Variants in AGBL3 observed in about 807,000 individuals in gnomAD.
The protein encoded by AGBL3 is AGBL carboxypeptidase 3.
AGBL3 carries 68 observed loss-of-function variants against 94.5 expected under a neutral mutation model. That is an observed-to-expected ratio of 0.72 (90% CI 0.59 to 0.88). The LOEUF is 0.88. Among genes scored for constraint, AGBL3 ranks in the 40% least tolerant of loss-of-function variants. The pLI, the probability that AGBL3 is intolerant of heterozygous loss-of-function variation, is 0.00. For synonymous variants in AGBL3, 354 were observed against 370.7 expected (o/e 0.95, Z 0.52); for missense variants, 934 against 1,103.8 (o/e 0.85, Z 2.18).
chr7:135,051,017 C>A, intron 11 of AGBL3: 1 of 439,648 alleles, frequency 2.3e-6, no homozygotes, highest in Non-Finnish European at 4.5e-6. Context: ...TGTCACTACC[C>A]ACAGAGAACT....
intron 11 of AGBL3, among the ~76,000 whole-genome samples, chr7:135,052,051 A>G (rs1817923103): frequency 6.6e-6 from 1 of 152,146 alleles, no homozygotes; most frequent in African/African-American, 2.4e-5. Context: ...CATCAAAACC[A>G]TATAACAGGG....
chr7:135,100,455 T>C (rs1225699480), intron 15 of AGBL3, among the ~76,000 whole-genome samples: 4 of 152,206 alleles, frequency 2.6e-5, no homozygotes, highest in African/African-American at 9.6e-5. Flanking sequence ...AACAACTGTC[T>C]GGATGGTGGA....
In AGBL3 at chr7:135,135,287, T is replaced by C; in HGVS notation, c.*26T>C. ...TCTAGCTTTATACTGCTCTGAGAAC[T>C]GTGAATGAAGGATAACATATGCTTA... On this transcript the variant is annotated 3_prime_UTR_variant, in exon 17 of 17. Coordinates refer to ENST00000436302, the MANE Select transcript of AGBL3 (RefSeq NM_178563.4). 1 of 1,454,170 alleles carries C rather than the reference T, an allele frequency of 6.9e-7. No individual in the cohort carries two copies. Among genetic ancestry groups the C allele is most frequent in the Non-Finnish European group, 9.1e-7 (1 of 1,098,240 alleles). 90.1% of individuals were successfully genotyped at this position (1,454,170 alleles called of 1,614,324 possible). A position where few individuals can be genotyped will look rare whatever the true frequency, so the allele number is the denominator to read the frequency against.
chr7:135,097,956 C>T (rs1327298645), intron 15 of AGBL3, among the ~76,000 whole-genome samples: 2 of 152,100 alleles, frequency 1.3e-5, no homozygotes, highest in Admixed American at 6.5e-5. Flanking sequence ...GCTTTAAAAA[C>T]ATTTTCCCTG....
chr7:135,020,576 T>C (rs1411203239), intron 5 of AGBL3, among the ~76,000 whole-genome samples: 2 of 152,176 alleles, frequency 1.3e-5, no homozygotes, highest in Non-Finnish European at 2.9e-5. Flanking sequence ...CCCAAAGGAT[T>C]GTAAGTCATG....
At chr7:135,074,167 C>T (rs1021899009) in intron 12 of AGBL3, among the ~76,000 whole-genome samples, 1 of 152,128 alleles carries the variant, frequency 6.6e-6, no homozygotes, top group African/African-American at 2.4e-5. Context: ...ATACTTAAAA[C>T]ATCATGTACA....
chr7:135,101,790 T>C (rs1395470712), intron 15 of AGBL3, among the ~76,000 whole-genome samples: 1 of 152,200 alleles, frequency 6.6e-6, no homozygotes, highest in African/African-American at 2.4e-5. Flanking sequence ...TTGATATGGT[T>C]TGCCTGTGTC....
chr7:135,059,853 T>C (rs929421925), intron 12 of AGBL3, among the ~76,000 whole-genome samples: 2 of 152,214 alleles, frequency 1.3e-5, no homozygotes, highest in Non-Finnish European at 2.9e-5. Flanking sequence ...GCCAAGTAGA[T>C]ACTAGGTATA....
At chr7:135,119,804 G>C (rs755402774) in intron 16 of AGBL3, among the ~76,000 whole-genome samples, 73 of 152,150 alleles carry the variant, frequency 4.8e-4, no homozygotes, top group Non-Finnish European at 8.4e-4. Flanking sequence ...ATGAACCTGG[G>C]AGGCAGAGCT....
chr7:135,067,268 C>G (rs1452919023), intron 12 of AGBL3, among the ~76,000 whole-genome samples: 1 of 152,256 alleles, frequency 6.6e-6, no homozygotes, highest in Non-Finnish European at 1.5e-5. Context: ...CCCACCGCAG[C>G]TCAAGGAGGC....
At chr7:135,124,494 G>T (rs1827586885) in intron 16 of AGBL3, among the ~76,000 whole-genome samples, 1 of 152,200 alleles carries the variant, frequency 6.6e-6, no homozygotes, top group South Asian at 2.1e-4. Flanking sequence ...CAACAAGACA[G>T]AAAATTAACA....
intron 15 of AGBL3, among the ~76,000 whole-genome samples, chr7:135,091,767 A>G (rs1208767535): frequency 1.3e-5 from 2 of 152,128 alleles, no homozygotes; most frequent in African/African-American, 4.8e-5. Context: ...GCTCATACTG[A>G]CTTCACTGCC....
intron 8 of AGBL3, among the ~76,000 whole-genome samples, chr7:135,041,630 TGGAA>T (rs1816872732): frequency 1.3e-5 from 1 of 77,930 alleles, no homozygotes; most frequent in Non-Finnish European, 3.1e-5. Context: ...TTTTATGACA[TGGAA>T]TTAGACAAAA....
At chr7:135,023,263 T>G (rs1217173520) in intron 5 of AGBL3, among the ~76,000 whole-genome samples, 1 of 151,920 alleles carries the variant, frequency 6.6e-6, no homozygotes, top group East Asian at 1.9e-4. Context: ...AAATATCAAG[T>G]ATATCAACAT....
intron 4 of AGBL3, among the ~76,000 whole-genome samples, chr7:135,009,754 C>T (rs1448094868): frequency 6.6e-6 from 1 of 152,188 alleles, no homozygotes; most frequent in Non-Finnish European, 1.5e-5. Context: ...CTTATATCTG[C>T]AGCCCCAAGG....
At chr7:135,133,067 G>GCACA (rs55861736) in intron 16 of AGBL3, among the ~76,000 whole-genome samples, 93 of 150,430 alleles carry the variant, frequency 6.2e-4, no homozygotes, top group Middle Eastern at 3.4e-3. Context: ...ACGCATGCGT[G>GCACA]CACACACACA....
chr7:134,987,827 G>T, intron 1 of AGBL3, 48 bp from the exon 2 acceptor site: 2 of 772,336 alleles, frequency 2.6e-6, no homozygotes, highest in Non-Finnish European at 4.3e-6. Context: ...ATTTAATGTA[G>T]TAAACACCTA....
chr7:134,993,718 A>AC, intron 4 of AGBL3, 40 bp downstream of exon 4: 1 of 1,411,126 alleles, frequency 7.1e-7, no homozygotes, highest in Non-Finnish European at 9.3e-7. Context: ...ACATTAGCAA[A>AC]CTTACTTTGC....
At chr7:135,061,430 T>G (rs2099843093) in intron 12 of AGBL3, among the ~76,000 whole-genome samples, 1 of 152,156 alleles carries the variant, frequency 6.6e-6, no homozygotes, top group Non-Finnish European at 1.5e-5. Flanking sequence ...TTGTTGCCTG[T>G]GTTTTCAAGT....
Sources: allele counts gnomAD v4.1 joint callset (sites outside exome capture counted in the v4.1 genomes callset), GRCh38; gene constraint gnomAD v4.1.1; transcripts MANE v1.5; gene names NCBI Gene and HGNC (gene_info 2026-07-23, HGNC 2026-07-21).